The following CDK14 variants were observed in gnomAD, a reference collection of about 807,000 sequenced individuals.
The protein encoded by CDK14 is cyclin dependent kinase 14.
A neutral mutation model predicts 60.7 loss-of-function variants in CDK14; 34 were observed. The observed-to-expected ratio is 0.56, with a 90% confidence interval of 0.43 to 0.75. The LOEUF is 0.75. Ranked by LOEUF, CDK14 falls within the 30% of genes least tolerant of loss-of-function variation. CDK14 has a pLI of 0.00. For synonymous variants in CDK14, 197 were observed against 203.7 expected, an observed-to-expected ratio of 0.97 and a Z score of 0.28; for missense variants, 482 against 564.1, an observed-to-expected ratio of 0.85 and a Z score of 1.47.
intron 5 of CDK14, among the ~76,000 whole-genome samples, chr7:90,857,011 T>C (rs1790841180): frequency 6.6e-6 from 1 of 152,176 alleles, no homozygotes; most frequent in Non-Finnish European, 1.5e-5. Context: ...GGATGGGCTG[T>C]GTGTCTTTGT....
intron 5 of CDK14, among the ~76,000 whole-genome samples, chr7:90,796,294 AAGTC>A (rs1352062388): frequency 6.6e-6 from 1 of 152,210 alleles, no homozygotes; most frequent in Non-Finnish European, 1.5e-5. Context: ...GGAAGCTGAT[AAGTC>A]AGTCATTCAG....
intron 10 of CDK14, among the ~76,000 whole-genome samples, chr7:91,030,749 A>G (rs1796737996): frequency 6.6e-6 from 1 of 151,562 alleles, no homozygotes; most frequent in Non-Finnish European, 1.5e-5. Context: ...ACCATCCCTC[A>G]CTCCTTCCAC....
chr7:91,060,275 A>G (rs1236371615), intron 11 of CDK14, among the ~76,000 whole-genome samples: 1 of 127,882 alleles, frequency 7.8e-6, no homozygotes, highest in Non-Finnish European at 1.7e-5. Flanking sequence ...CTATCCCTTT[A>G]TTTTGAGCCT....
chr7:90,720,383 A>G (rs1411054056), intron 2 of CDK14, among the ~76,000 whole-genome samples: 1 of 152,190 alleles, frequency 6.6e-6, no homozygotes, highest in African/African-American at 2.4e-5. Flanking sequence ...AGTGAAGCTG[A>G]CGGACAGTGC....
chr7:90,979,552 C>G (rs1795172372), intron 9 of CDK14: 1 of 152,166 alleles, frequency 6.6e-6, no homozygotes, highest in South Asian at 2.1e-4. Context: ...CCATATAGAT[C>G]TACTAAACAG....
At chr7:90,958,866 GTAGTT>G (rs1794512271) in intron 9 of CDK14, among the ~76,000 whole-genome samples, 1 of 151,972 alleles carries the variant, frequency 6.6e-6, no homozygotes, top group Non-Finnish European at 1.5e-5. Context: ...TAGTTGCTTG[GTAGTT>G]CAGTTAAGAT....
chr7:90,915,063 A>AG (rs1434223987), intron 7 of CDK14, among the ~76,000 whole-genome samples: 1 of 152,164 alleles, frequency 6.6e-6, no homozygotes, highest in East Asian at 1.9e-4. Flanking sequence ...TGGTCAGGGA[A>AG]GGCTCTAGGG....
At chr7:90,880,016 C>A (rs187822545) in intron 6 of CDK14, among the ~76,000 whole-genome samples, 2 of 152,326 alleles carry the variant, frequency 1.3e-5, no homozygotes, top group Admixed American at 1.3e-4. Flanking sequence ...TAGCACCAAA[C>A]TCTGAAACAA....
intron 2 of CDK14, among the ~76,000 whole-genome samples, chr7:90,680,605 C>T (rs573064134): frequency 9.8e-4 from 150 of 152,322 alleles, no homozygotes; most frequent in Non-Finnish European, 2.0e-3. Context: ...CAGATTCCCT[C>T]TGCAGGCTCT....
At chr7:91,066,344 CT>C (rs1438994812) in intron 11 of CDK14, among the ~76,000 whole-genome samples, 2 of 152,300 alleles carry the variant, frequency 1.3e-5, no homozygotes, top group Admixed American at 6.5e-5. Flanking sequence ...GGACCCCCCT[CT>C]TTGTCTGCTC....
intron 2 of CDK14, among the ~76,000 whole-genome samples, chr7:90,697,275 AT>A (rs1339859267): frequency 6.6e-6 from 1 of 152,086 alleles, no homozygotes; most frequent in Non-Finnish European, 1.5e-5. Context: ...ACCTGAGGAA[AT>A]TCTTAGCTTT....
At chr7:90,851,286 A>G (rs1318567296) in intron 5 of CDK14, among the ~76,000 whole-genome samples, 1 of 152,140 alleles carries the variant, frequency 6.6e-6, no homozygotes, top group Non-Finnish European at 1.5e-5. Flanking sequence ...ATGGTGAATC[A>G]ATCACCCTGT....
chr7:90,747,793 G>A lies in CDK14; in HGVS notation c.464+18G>A. 7.1e-7 allele frequency: 1 copy of A among 1,417,460 alleles called. No individual in the cohort carries two copies. Among genetic ancestry groups the A allele is most frequent in the Admixed American group, 2.3e-5 (1 of 42,762 alleles). 87.8% of individuals were successfully genotyped at this position (1,417,460 alleles called of 1,614,324 possible). A position where few individuals can be genotyped will look rare whatever the true frequency, so the allele number is the denominator to read the frequency against. ...AAAAGCAAGTAAGTTCATTATTTTT[G>A]GAATATTTCACATGTACAGTGTATC... On this transcript the variant is annotated intron_variant, in intron 4 of 14. Coordinates refer to ENST00000380050, the MANE Select transcript of CDK14 (RefSeq NM_001287135.2).
At chr7:90,673,246 T>C (rs1289037420) in intron 2 of CDK14, among the ~76,000 whole-genome samples, 2 of 152,092 alleles carry the variant, frequency 1.3e-5, no homozygotes, top group Admixed American at 6.5e-5. Flanking sequence ...GGAGGAGCAG[T>C]AGTAGAGGAA....
chr7:90,711,904 A>G (rs111822179), intron 2 of CDK14, among the ~76,000 whole-genome samples: 26 of 136,248 alleles, frequency 1.9e-4, no homozygotes, highest in Non-Finnish European at 3.7e-4. Flanking sequence ...TTTTTTTTCA[A>G]TTGAGCCGAG....
chr7:91,169,275 G>A (rs1052281839), intron 14 of CDK14, among the ~76,000 whole-genome samples: 3 of 152,124 alleles, frequency 2.0e-5, no homozygotes, highest in Non-Finnish European at 2.9e-5. Context: ...CTCCCACTCG[G>A]CAGGAATTCT....
At chr7:90,930,484 G>A (rs1286292115) in intron 8 of CDK14, among the ~76,000 whole-genome samples, 4 of 149,572 alleles carry the variant, frequency 2.7e-5, no homozygotes, top group African/African-American at 9.9e-5. Context: ...TTGGATATGG[G>A]TGATATGGGC....
At chr7:90,795,922 A>G (rs1173125647) in intron 5 of CDK14, among the ~76,000 whole-genome samples, 1 of 152,150 alleles carries the variant, frequency 6.6e-6, no homozygotes, top group East Asian at 1.9e-4. Context: ...GGGAGGTTCA[A>G]GGGAAGAAGC....
At chr7:90,757,244 G>C (rs397889747) in intron 4 of CDK14, among the ~76,000 whole-genome samples, 6 of 127,786 alleles carry the variant, frequency 4.7e-5, no homozygotes, top group Non-Finnish European at 8.3e-5. Flanking sequence ...GTGTGTGTGT[G>C]TGTGTGTCTG....
Sources: allele counts gnomAD v4.1 joint callset (sites outside exome capture counted in the v4.1 genomes callset), GRCh38; gene constraint gnomAD v4.1.1; transcripts MANE v1.5; gene names NCBI Gene and HGNC (gene_info 2026-07-23, HGNC 2026-07-21).